The following FSTL5 variants were observed in gnomAD, a reference collection of about 807,000 sequenced individuals.
FSTL5 encodes follistatin-related protein 5.
In FSTL5, 62 loss-of-function variants were observed where a neutral mutation model predicts 89.1. The ratio of observed to expected loss-of-function variants is 0.70; its 90% confidence interval spans 0.57 to 0.86. FSTL5 has a LOEUF of 0.86. Ranked by LOEUF, FSTL5 falls within the 40% of genes least tolerant of loss-of-function variation. The pLI is 0.00. For synonymous variants in FSTL5, 383 were observed against 346.2 expected (o/e 1.11, Z -1.18); for missense variants, 1,057 against 1,001.6 (o/e 1.06, Z -0.75).
At chr4:161,729,949 A>G (rs1189288350) in intron 6 of FSTL5, among the ~76,000 whole-genome samples, 2 of 152,202 alleles carry the variant, frequency 1.3e-5, no homozygotes, top group Non-Finnish European at 2.9e-5. Context: ...ATGTGTAAAT[A>G]TAGTGTTTTA....
At chr4:161,746,917 C>T (rs764407540) in intron 6 of FSTL5, among the ~76,000 whole-genome samples, 1 of 152,108 alleles carries the variant, frequency 6.6e-6, no homozygotes, top group Non-Finnish European at 1.5e-5. Context: ...GATGGGCCCC[C>T]CATAGCAGAA....
chr4:161,912,125 G>T (rs1166453855), intron 4 of FSTL5, among the ~76,000 whole-genome samples: 2 of 151,976 alleles, frequency 1.3e-5, no homozygotes, highest in Non-Finnish European at 2.9e-5. Context: ...CAATGAAAAG[G>T]TTTTTTTACC....
intron 2 of FSTL5, among the ~76,000 whole-genome samples, chr4:162,105,164 C>T (rs369030309): frequency 6.6e-6 from 1 of 151,696 alleles, no homozygotes; most frequent in Non-Finnish European, 1.5e-5. Flanking sequence ...ATGATCATCA[C>T]CATCAGTTAA....
At chr4:161,474,205 A>G (rs1344131977) in intron 13 of FSTL5, among the ~76,000 whole-genome samples, 1 of 152,196 alleles carries the variant, frequency 6.6e-6, no homozygotes, top group East Asian at 1.9e-4. Flanking sequence ...TCAATAACAT[A>G]GAAAACTCTG....
At chr4:161,808,626 CAA>C (rs34015058) in intron 4 of FSTL5, among the ~76,000 whole-genome samples, 32 of 150,464 alleles carry the variant, frequency 2.1e-4, no homozygotes, top group Admixed American at 9.2e-4. Context: ...AAAAACAGAC[CAA>C]AAAAAAAACC....
Position 161,821,781 on chromosome 4 carries a change from G to A in FSTL5, c.410-45707C>T, listed in dbSNP as rs144942543. 3.4e-3 allele frequency among the ~76,000 whole-genome samples: 516 copies of A among 152,152 alleles called. 11 individuals are homozygous for A. The South Asian group carries it at 0.046, about 14-fold the overall frequency. ...TCATGGCTGCATGGTATTCCATGGT[G>A]TGTGTGTATATATATATATGAATAC... On this transcript the variant is annotated intron_variant, in intron 4 of 15. Transcript: ENST00000306100.
chr4:162,116,888 T>C (rs1334705983), intron 1 of FSTL5, among the ~76,000 whole-genome samples: 2 of 152,196 alleles, frequency 1.3e-5, no homozygotes, highest in Non-Finnish European at 2.9e-5. Context: ...TGATTCTTTG[T>C]GAGACCTTCT....
chr4:162,114,847 T>C (rs1731575581), intron 1 of FSTL5, among the ~76,000 whole-genome samples: 1 of 152,164 alleles, frequency 6.6e-6, no homozygotes, highest in Non-Finnish European at 1.5e-5. Context: ...ATCTCTTATA[T>C]GATTAATCAT....
intron 4 of FSTL5, among the ~76,000 whole-genome samples, chr4:161,816,876 G>A (rs773789688): frequency 6.6e-6 from 1 of 152,084 alleles, no homozygotes; most frequent in Non-Finnish European, 1.5e-5. Flanking sequence ...ATTGTCCAAT[G>A]TTATTTGTGA....
intron 15 of FSTL5, among the ~76,000 whole-genome samples, chr4:161,437,565 C>CAA (rs56229701): frequency 0.01 from 686 of 68,462 alleles, 77 homozygotes; most frequent in East Asian, 0.013. Flanking sequence ...GACTCCGTCT[C>CAA]AAAAAAAAAA....
chr4:161,611,419 A>G (rs1424388818), intron 7 of FSTL5, among the ~76,000 whole-genome samples: 6 of 151,804 alleles, frequency 4.0e-5, no homozygotes, highest in Non-Finnish European at 5.9e-5. Context: ...ACAAATATTA[A>G]TTTATAACCT....
At chr4:161,667,016 C>A (rs986973577) in intron 6 of FSTL5, among the ~76,000 whole-genome samples, 3 of 151,888 alleles carry the variant, frequency 2.0e-5, no homozygotes, top group East Asian at 1.9e-4. Flanking sequence ...TCATTATATT[C>A]TTTTTGTATA....
At chr4:161,539,229 T>A (rs1731737820) in intron 9 of FSTL5, among the ~76,000 whole-genome samples, 1 of 151,698 alleles carries the variant, frequency 6.6e-6, no homozygotes, top group Non-Finnish European at 1.5e-5. Context: ...GTCTGTGTGT[T>A]CCATGTTGTT....
At chr4:162,087,397 T>C (rs189684421) in intron 2 of FSTL5, among the ~76,000 whole-genome samples, 1 of 152,182 alleles carries the variant, frequency 6.6e-6, no homozygotes, top group East Asian at 1.9e-4. Flanking sequence ...ATAAATATTC[T>C]CAGTTCGTAT....
intron 15 of FSTL5, among the ~76,000 whole-genome samples, chr4:161,400,111 G>T (rs1210905542): frequency 1.3e-5 from 2 of 151,802 alleles, no homozygotes; most frequent in African/African-American, 4.8e-5. Context: ...GTTGTTCTGA[G>T]AATTTTTTCA....
chr4:161,973,406 G>T (rs1735540663), intron 3 of FSTL5, among the ~76,000 whole-genome samples: 1 of 152,048 alleles, frequency 6.6e-6, no homozygotes, highest in South Asian at 2.1e-4. Context: ...CAACATTAAG[G>T]GTAGTTATTA....
chr4:161,525,691 T>C (rs1044913684), intron 10 of FSTL5, among the ~76,000 whole-genome samples: 2 of 152,172 alleles, frequency 1.3e-5, no homozygotes, highest in African/African-American at 4.8e-5. Context: ...TCTCAAGGCA[T>C]AGGAAAAATT....
rs185011913 is a variant in FSTL5, at chr4:161,752,555, T to C, written c.727+6856A>G. On this transcript the variant is annotated intron_variant, in intron 6 of 15. Transcript: ENST00000306100. The stretch of plus-strand genomic sequence containing the variant: ...TCTCATGACCAGAGTTACTAGTAAG[T>C]TCCTTTCTGCCAAATCTAGTGGCCA... Among the ~76,000 whole-genome samples, 452 of 152,306 alleles carry C rather than the reference T, an allele frequency of 3.0e-3. 5 individuals carry two copies. The highest frequency in any genetic ancestry group is 0.01 in the African/African-American group (416 of 41,570).
chr4:161,608,800 G>A (rs1734544166), intron 7 of FSTL5, among the ~76,000 whole-genome samples: 1 of 151,886 alleles, frequency 6.6e-6, no homozygotes, highest in Non-Finnish European at 1.5e-5. Flanking sequence ...AAACATATTT[G>A]ATGACTCCCT....
Sources: gnomAD v4.1 joint callset for allele counts (sites outside exome capture counted in the v4.1 genomes callset) on GRCh38, gnomAD v4.1.1 for gene constraint, MANE v1.5 for transcripts, NCBI Gene and HGNC (gene_info 2026-07-23, HGNC 2026-07-21) for gene names.